Variants in ZNF138 observed in about 807,000 individuals in gnomAD.
ZNF138 encodes the protein zinc finger protein 138, also known as zinc finger protein 138 (clone pHZ-32).
Under a neutral mutation model 33.0 loss-of-function variants are expected in ZNF138, and 33 were observed. The ratio of observed to expected loss-of-function variants is 1.00; its 90% CI spans 0.76 to 1.34. The LOEUF is 1.34. Among genes scored for constraint, ZNF138 ranks in the 40% most tolerant of loss-of-function variants. The pLI, the probability that ZNF138 is intolerant of heterozygous loss-of-function variation, is 0.00. For missense variants in ZNF138, 360 were observed against 370.8 expected (o/e 0.97, Z 0.24); for synonymous variants, 139 against 120.4 (o/e 1.15, Z -1.01).
rs576950889 is a variant in ZNF138, at chr7:64,802,515, A to G, written c.3+7944A>G. Among the ~76,000 whole-genome samples, 9 of 140,450 alleles carry G rather than the reference A, an allele frequency of 6.4e-5. No homozygotes were observed. In the South Asian group the frequency reaches 2.1e-3, roughly 32 times the overall value. 92.1% of individuals were successfully genotyped at this position (140,450 alleles called of 152,430 possible). A position where few individuals can be genotyped will look rare whatever the true frequency, so the allele number is the denominator to read the frequency against. On this transcript the variant is annotated intron_variant, in intron 1 of 3. Coordinates refer to ENST00000307355, the MANE Select transcript of ZNF138 (RefSeq NM_001271639.2). ...TGGCAAGAAAATATATTTTGGTGTT[A>G]AATATTTTGATTTTTTTTTTCTTGT...
At chr7:64,830,877 C>T in intron 3 of ZNF138, 1 of 1,461,068 alleles carries the variant, frequency 6.8e-7, no homozygotes, top group Non-Finnish European at 9.0e-7. Flanking sequence ...TTTTTTAGTT[C>T]ATTCTTGTTT....
downstream of ZNF138, chr7:64,836,695 C>T (rs929930115): frequency 1.8e-4 from 27 of 152,202 alleles, no homozygotes; most frequent in African/African-American, 6.5e-4. Flanking sequence ...GTGCCACGGA[C>T]AGCCTACATT....
At chr7:64,825,170 T>C (rs1342801395) in intron 3 of ZNF138, among the ~76,000 whole-genome samples, 5 of 116,586 alleles carry the variant, frequency 4.3e-5, no homozygotes, top group African/African-American at 1.7e-4. Context: ...TTTTTTTTTT[T>C]TTTTTTTTTT....
intron 3 of ZNF138, among the ~76,000 whole-genome samples, chr7:64,822,050 C>G (rs1400765864): frequency 6.7e-6 from 1 of 149,930 alleles, no homozygotes; most frequent in East Asian, 2.0e-4. Flanking sequence ...TCCCGAGTAG[C>G]TGGGACCACA....
At chr7:64,835,435 AAC>A (rs2129017964), downstream of ZNF138, 1 of 152,240 alleles carries the variant, frequency 6.6e-6, no homozygotes, top group South Asian at 2.1e-4. Context: ...ATTGGGGCAA[AAC>A]ACATTATTAT....
chr7:64,810,163 G>T (rs1045931150), intron 1 of ZNF138, among the ~76,000 whole-genome samples: 9 of 129,052 alleles, frequency 7.0e-5, no homozygotes, highest in Non-Finnish European at 1.1e-4. Flanking sequence ...TCCAGCCTGG[G>T]CACCATTGAG....
At chr7:64,848,035 TAG>T in the ZNF138 span, among the ~76,000 whole-genome samples, 4 of 152,306 alleles carry the variant, frequency 2.6e-5, no homozygotes, top group South Asian at 8.3e-4. Context: ...GTAGTTGTTT[TAG>T]TGCTGGCTTG....
chr7:64,809,951 G>A (rs1313441676), intron 1 of ZNF138, among the ~76,000 whole-genome samples: 3 of 91,200 alleles, frequency 3.3e-5, no homozygotes, highest in Admixed American at 1.1e-4. Context: ...GCGGCCGGGC[G>A]GAGACGCTCC....
At chr7:64,858,659 C>T in the ZNF138 span, among the ~76,000 whole-genome samples, 6 of 152,122 alleles carry the variant, frequency 3.9e-5, no homozygotes, top group Non-Finnish European at 8.8e-5. Context: ...CACCCCCTGT[C>T]GCAGGCAATC....
chr7:64,815,739 C>A, intron 3 of ZNF138, 86 bp downstream of exon 3: 3 of 1,246,288 alleles, frequency 2.4e-6, no homozygotes, highest in Non-Finnish European at 2.2e-6. Flanking sequence ...ATTTGGAAAT[C>A]TGTATTCCAA....
At position 64,832,572 on chromosome 7, in the gene ZNF138, GA is replaced by G; in HGVS notation, c.*375del. Reference sequence around the variant, plus strand: ...TACACATAAGATAATTCACAGTGGAGAAAAACCCTACAAATGTGAAGAATGT... The same window carrying G: ...TACACATAAGATAATTCACAGTGGAGAAAACCCTACAAATGTGAAGAATGT... On this transcript the variant is annotated 3_prime_UTR_variant, in exon 4 of 4. Transcript: ENST00000307355. 3.5e-6 allele frequency: 2 copies of G among 570,086 alleles called. No homozygotes were observed. Among genetic ancestry groups the G allele is most frequent in the Non-Finnish European group, 6.2e-6 (2 of 324,376 alleles). 35.3% of individuals were successfully genotyped at this position (570,086 alleles called of 1,614,324 possible). A position where few individuals can be genotyped will look rare whatever the true frequency, so the allele number is the denominator to read the frequency against.
Position 64,832,908 on chromosome 7 carries a change from A to G in ZNF138, c.*706A>G, listed in dbSNP as rs1790209598. 5.2e-6 allele frequency: 2 copies of G among 387,330 alleles called. No individual in the cohort carries two copies. Among genetic ancestry groups the G allele is most frequent in the African/African-American group, 4.2e-5 (2 of 48,070 alleles). 24.0% of individuals were successfully genotyped at this position (387,330 alleles called of 1,614,324 possible). On this transcript the variant is annotated 3_prime_UTR_variant, in exon 4 of 4. Coordinates refer to ENST00000307355, the MANE Select transcript of ZNF138 (RefSeq NM_001271639.2). ...TATACATAAGATGATTCACACTTGA[A>G]TGAAACCCTACAAATGTGAACGATG...
the ZNF138 span, among the ~76,000 whole-genome samples, chr7:64,857,659 TA>T: frequency 0.012 from 6 of 484 alleles, 1 homozygote; most frequent in African/African-American, 0.013. Context: ...AAAATAAATT[TA>T]AAAAAAAAAA....
At chr7:64,854,770 T>C in the ZNF138 span, among the ~76,000 whole-genome samples, 1 of 152,226 alleles carries the variant, frequency 6.6e-6, no homozygotes, top group East Asian at 1.9e-4. Context: ...TTTTTATTTT[T>C]GAAATCTAAA....
At chr7:64,835,538 G>C (rs1294646340), downstream of ZNF138, 1 of 151,910 alleles carries the variant, frequency 6.6e-6, no homozygotes, top group Non-Finnish European at 1.5e-5. Context: ...GAGGGTCCTA[G>C]GAATGTTTTA....
intron 1 of ZNF138, among the ~76,000 whole-genome samples, chr7:64,797,018 C>G (rs1401053613): frequency 6.6e-6 from 1 of 151,402 alleles, no homozygotes; most frequent in Non-Finnish European, 1.5e-5. Flanking sequence ...CGGCTGCACT[C>G]CACCTTGGGC....
At chr7:64,814,249 TG>T (rs1244489001) in intron 1 of ZNF138, 1 of 546,108 alleles carries the variant, frequency 1.8e-6, no homozygotes, top group Non-Finnish European at 2.5e-6. Context: ...CATTAAAACT[TG>T]AGAGGTACCT....
rs1013468496 is a variant in ZNF138 at position 64,832,523 on chromosome 7, C to T, written c.*321C>T. 7 of 782,204 alleles carry T rather than the reference C, an allele frequency of 8.9e-6. No homozygotes were observed. Among genetic ancestry groups the T allele is most frequent in the Non-Finnish European group, 1.3e-5 (7 of 525,500 alleles). The allele number at this position is 782,204 out of a possible 1,614,324, so 48.5% of individuals were successfully genotyped here. ...ACAAATGTGGAGAATGCGGAAAAGC[C>T]TTTAACTGGTCCTCAACTCTTATTA... On this transcript the variant is annotated 3_prime_UTR_variant, in exon 4 of 4. Transcript: ENST00000307355.
chr7:64,825,812 C>T (rs1789560998), intron 3 of ZNF138, among the ~76,000 whole-genome samples: 1 of 151,646 alleles, frequency 6.6e-6, no homozygotes, highest in African/African-American at 2.4e-5. Context: ...GTTGGGATTA[C>T]AGGCATGAGC....
Sources: allele counts gnomAD v4.1 joint callset (sites outside exome capture counted in the v4.1 genomes callset), GRCh38; gene constraint gnomAD v4.1.1; transcripts MANE v1.5; gene names NCBI Gene and HGNC (gene_info 2026-07-23, HGNC 2026-07-21).